NCOA6: variants seen among roughly 807,000 people sequenced by gnomAD.
The protein encoded by NCOA6 is NRC RAP250.
A neutral mutation model predicts 171.4 loss-of-function variants in NCOA6; 49 were observed. The ratio of observed to expected loss-of-function variants is 0.29; its 90% confidence interval spans 0.23 to 0.36. The LOEUF is 0.36. Among genes scored for constraint, NCOA6 ranks in the 10% least tolerant of loss-of-function variants. NCOA6 has a pLI of 1.00. For synonymous variants in NCOA6, 910 were observed against 927.5 expected (o/e 0.98, Z 0.34); for missense variants, 2,248 against 2,554.5 (o/e 0.88, Z 2.59).
At chr20:34,796,954 GAAAAC>G in intron 1 of NCOA6, among the ~76,000 whole-genome samples, 1 of 152,212 alleles carries the variant, frequency 6.6e-6, no homozygotes, top group Middle Eastern at 3.4e-3. Flanking sequence ...ATTACCTATT[GAAAAC>G]AAAAGTTAGC....
In NCOA6 at chr20:34,757,756, G is replaced by A. The variant is rs1568790016; in HGVS notation, c.992C>T (p.Ala331Val). 9.9e-6 allele frequency: 16 copies of A among 1,614,132 alleles called. No individual in the cohort carries two copies. The highest frequency in any genetic ancestry group is 1.4e-5 in the Non-Finnish European group (16 of 1,180,014). Residue 331 changes from alanine to valine, a missense_variant, in exon 7 of 15, where the codon GCC becomes GTC. Ala to Val is a moderately conservative substitution (Grantham distance 64, BLOSUM62 0). Around this residue, in one of 7 missense-constraint regions of NCOA6, gnomAD observed 987 missense variants for 1,104.7 expected, o/e 0.89. Transcript: ENST00000359003. Reference sequence around the variant, plus strand: ...AGTCATTGTGCCCAGAGAACCCTGGGCTGGAGGAGGTTGAAGGGCTCCAGA... The same window carrying A: ...AGTCATTGTGCCCAGAGAACCCTGGACTGGAGGAGGTTGAAGGGCTCCAGA... ...LPSGALQPPP[A>V]QGSLGTMTAN...
intron 14 of NCOA6, among the ~76,000 whole-genome samples, chr20:34,719,538 G>A (rs1474086009): frequency 6.6e-6 from 1 of 152,028 alleles, no homozygotes; most frequent in African/African-American, 2.4e-5. Context: ...GGCTGAGCCA[G>A]GAGAATCACT....
intron 5 of NCOA6, among the ~76,000 whole-genome samples, chr20:34,766,937 C>T (rs2077000080): frequency 6.6e-6 from 1 of 152,152 alleles, no homozygotes; most frequent in African/African-American, 2.4e-5. Flanking sequence ...ATAAAGCTAC[C>T]TTAACACCAA....
intron 4 of NCOA6, among the ~76,000 whole-genome samples, chr20:34,774,170 A>G (rs75346750): frequency 1.3e-5 from 2 of 152,230 alleles, no homozygotes; most frequent in African/African-American, 4.8e-5. Context: ...AACACTATCA[A>G]TTAAGGTTTT....
intron 1 of NCOA6, among the ~76,000 whole-genome samples, chr20:34,806,620 T>G (rs2146545211): frequency 6.6e-6 from 1 of 152,328 alleles, no homozygotes; most frequent in Non-Finnish European, 1.5e-5. Flanking sequence ...TTCTTCTCCA[T>G]GTGGATATCC....
intron 13 of NCOA6, among the ~76,000 whole-genome samples, chr20:34,728,198 C>T (rs118137589): frequency 6.6e-6 from 1 of 152,080 alleles, no homozygotes; most frequent in Non-Finnish European, 1.5e-5. Context: ...CTAATGATCC[C>T]GGTAGAGTCA....
intron 1 of NCOA6, among the ~76,000 whole-genome samples, chr20:34,821,855 G>A (rs1228355165): frequency 6.6e-6 from 1 of 152,192 alleles, no homozygotes; most frequent in East Asian, 1.9e-4. Flanking sequence ...CCAAAGTGCT[G>A]GGATTACAGG....
intron 14 of NCOA6, among the ~76,000 whole-genome samples, chr20:34,718,878 GA>G (rs1158038101): frequency 6.6e-6 from 1 of 152,194 alleles, no homozygotes; most frequent in Non-Finnish European, 1.5e-5. Context: ...GTGTACCTCA[GA>G]CTGTGATTGG....
chr20:34,767,945 G>A (rs2077030750), intron 5 of NCOA6, among the ~76,000 whole-genome samples: 1 of 152,120 alleles, frequency 6.6e-6, no homozygotes, highest in South Asian at 2.1e-4. Context: ...TCAGAATATT[G>A]AGTTCAATCT....
chr20:34,737,225 A>G (rs2075984680), intron 11 of NCOA6, among the ~76,000 whole-genome samples: 2 of 152,254 alleles, frequency 1.3e-5, no homozygotes, highest in African/African-American at 4.8e-5. Context: ...GTACTTTTCT[A>G]TAGCACTTAG....
At chr20:34,824,856 T>C (rs2079103998) in intron 1 of NCOA6, among the ~76,000 whole-genome samples, 1 of 152,144 alleles carries the variant, frequency 6.6e-6, no homozygotes, top group Admixed American at 6.5e-5. Context: ...AACCAGCGTC[T>C]GTACCCAAAG....
intron 5 of NCOA6, among the ~76,000 whole-genome samples, chr20:34,766,725 C>T (rs189683224): frequency 5.9e-5 from 9 of 152,142 alleles, no homozygotes; most frequent in African/African-American, 1.9e-4. Context: ...GTTTCCAGAA[C>T]ATAAAGATGT....
In NCOA6 at chr20:34,758,880, C is replaced by T. The variant is rs563139871; in HGVS notation, c.568G>A (p.Val190Met). The T allele has an allele frequency of 3.7e-6, 6 of 1,613,710 alleles. No individual in the cohort carries two copies. Among genetic ancestry groups the T allele is most frequent in the Admixed American group, 3.3e-5 (2 of 59,914 alleles). ...CCTGGTGCCATCATGGAAGATGACA[C>T]ATTTCCACCCGGGGGTATCATAACA... ...ATVMIPPGGNVSSSMMAPGPN... is the reference protein window; with the variant it reads ...ATVMIPPGGNMSSSMMAPGPN... Residue 190 changes from valine (V) to methionine (M), a missense_variant, in exon 6 of 15, where the codon GTG (valine) becomes ATG (methionine). Val to Met is a conservative substitution (Grantham distance 21). This residue lies in a region of NCOA6 where 987 missense variants were observed against 1,104.7 expected (regional missense o/e 0.89). Transcript: ENST00000359003.
Position 34,736,720 on chromosome 20 carries a change from T to C in NCOA6, c.5932A>G (p.Thr1978Ala), listed in dbSNP as rs145939852. ...CTGGCAACAGAGGCCTGCAGTGCTG[T>C]GGTTGAAGTTTCCTTTGAGACTAAA... ...QNLVSKETSTTALQASVARPE... is the reference protein window; with the variant it reads ...QNLVSKETSTAALQASVARPE... Residue 1978 changes from threonine (T) to alanine (A), a missense_variant, in exon 12 of 15, where the codon ACA (threonine) becomes GCA (alanine). Around this residue, in one of 7 missense-constraint regions of NCOA6, gnomAD observed 884 missense variants for 941.9 expected, o/e 0.94. Coordinates refer to ENST00000359003, the MANE Select transcript of NCOA6 (RefSeq NM_014071.5). 3 of 1,611,496 alleles carry C rather than the reference T, an allele frequency of 1.9e-6. No homozygotes were observed. In the African/African-American group the frequency reaches 4.0e-5, roughly 22 times the overall value.
intron 1 of NCOA6, among the ~76,000 whole-genome samples, chr20:34,813,463 CT>C (rs2078737754): frequency 7.2e-6 from 1 of 138,952 alleles, no homozygotes; most frequent in Non-Finnish European, 1.5e-5. Context: ...GAAACTCTGT[CT>C]TAAAAAAAAA....
At chr20:34,734,353 C>T (rs774340488) in intron 12 of NCOA6, among the ~76,000 whole-genome samples, 6 of 151,882 alleles carry the variant, frequency 4.0e-5, no homozygotes, top group East Asian at 1.9e-4. Context: ...CATGAGCCAC[C>T]GCACCTGGCC....
chr20:34,757,710 C>A lies in NCOA6; in HGVS notation c.1038G>T (p.Lys346Asn). The A allele has an allele frequency of 1.9e-6, 3 of 1,614,188 alleles. No individual in the cohort carries two copies. The highest frequency in any genetic ancestry group is 2.5e-6 in the Non-Finnish European group (3 of 1,180,034). The change falls in exon 7 of 15, where the codon AAG becomes AAT. Residue 346 changes from lysine to asparagine, a missense_variant. Lys to Asn is a moderately conservative substitution (Grantham distance 94). Transcript: ENST00000359003. Reference sequence around the variant, plus strand: ...GTTGCATTGGGCCGGGCAAGGGAGCCTTCTTCCACCCTTGGTTTGCAGTCA... The same window carrying A: ...GTTGCATTGGGCCGGGCAAGGGAGCATTCTTCCACCCTTGGTTTGCAGTCA... The part of the protein sequence containing the change: ...GTMTANQGWK[K>N]APLPGPMQQQ...
chr20:34,785,820 T>C lies in NCOA6; in HGVS notation c.-49-3416A>G, dbSNP rs181999510. 3.5e-3 allele frequency among the ~76,000 whole-genome samples: 533 copies of C among 151,134 alleles called. 2 individuals carry two copies. The highest frequency in any genetic ancestry group is 0.012 in the African/African-American group (495 of 41,090). On this transcript the variant is annotated intron_variant, in intron 2 of 14. Transcript: ENST00000359003. ...ATGTATCTAGATCTGGAAAATCTTC[T>C]ACTGGCAGATACAGGAATTGTCAGT... is the stretch of plus-strand genomic sequence containing the variant.
At chr20:34,787,874 T>TC (rs1258335584) in intron 2 of NCOA6, among the ~76,000 whole-genome samples, 1 of 152,016 alleles carries the variant, frequency 6.6e-6, no homozygotes, top group Non-Finnish European at 1.5e-5. Flanking sequence ...CTAATTTTTT[T>TC]TTTTTTTTTG....
Sources: allele counts gnomAD v4.1 joint callset (sites outside exome capture counted in the v4.1 genomes callset), GRCh38; gene constraint gnomAD v4.1.1; regional missense constraint gnomAD v4.1.1; transcripts MANE v1.5; gene names NCBI Gene and HGNC (gene_info 2026-07-23, HGNC 2026-07-21).